Variants in WDR83 observed in about 807,000 individuals in gnomAD.
The protein encoded by WDR83 is WD repeat domain 83.
A neutral mutation model predicts 37.7 loss-of-function variants in WDR83; 37 were observed. The observed-to-expected ratio is 0.98, with a 90% CI of 0.76 to 1.29. The LOEUF (loss-of-function observed/expected upper bound fraction) is 1.29. Ranked by LOEUF, WDR83 falls within the 50% of genes most tolerant of loss-of-function variation. The pLI is 0.00. For synonymous variants in WDR83, 174 were observed against 181.1 expected, an observed-to-expected ratio of 0.96 and a Z score of 0.31; for missense variants, 445 against 414.4, an observed-to-expected ratio of 1.07 and a Z score of -0.64.
chr19:12,671,103 A>T (rs1037385839), intron 7 of WDR83: 2 of 338,026 alleles, frequency 5.9e-6, no homozygotes, highest in Non-Finnish European at 1.1e-5. Context: ...CAAGGTGGGC[A>T]GATCACTTGA....
Position 12,666,999 on chromosome 19 carries a change from G to A in WDR83, c.-157+7G>A. ...GGAATGCCTCTTAATGCCGGTAGGA[G>A]CAGAAGTGCTTTTCCTAAGGGGGCC... On this transcript the variant is annotated splice_region_variant and intron_variant, in intron 1 of 10. Coordinates refer to ENST00000418543, the MANE Select transcript of WDR83 (RefSeq NM_001099737.3). 2.0e-6 allele frequency: 1 copy of A among 505,336 alleles called. No homozygotes were observed. The highest frequency in any genetic ancestry group is 3.5e-6 in the Non-Finnish European group (1 of 283,220). The allele number at this position is 505,336 out of a possible 1,614,324, so 31.3% of individuals were successfully genotyped here. A position where few individuals can be genotyped will look rare whatever the true frequency, so the allele number is the denominator to read the frequency against.
intron 7 of WDR83, 40 bp downstream of exon 7, chr19:12,670,861 G>A (rs762792353): frequency 1.2e-5 from 19 of 1,593,926 alleles, no homozygotes; most frequent in East Asian, 2.3e-5. Flanking sequence ...CAGGTGCTAC[G>A]GGGAATCATA....
rs1379052231 is a variant in WDR83 at position 12,673,105 on chromosome 19, G to A, written c.672G>A (p.Glu224=). 3 of 1,612,842 alleles carry A rather than the reference G, an allele frequency of 1.9e-6. No homozygotes were observed. The South Asian group carries it at 3.3e-5, about 18-fold the overall frequency. The change falls in exon 9 of 11, where the codon GAG becomes GAA. Residue 224 remains glutamate, a synonymous_variant. Transcript: ENST00000418543. ...GGCTCCTGGACAAAGACACAGGGGAGCTGCTGGGCGAGTGAGTCCTTGTGG... is the reference window on the plus strand; with the variant it reads ...GGCTCCTGGACAAAGACACAGGGGAACTGCTGGGCGAGTGAGTCCTTGTGG... ...TLRLLDKDTG[E]LLGEYKGHKN...
In WDR83 at chr19:12,673,069, C is replaced by A. The variant is rs745820390; in HGVS notation, c.636C>A (p.Asp212Glu). The A allele has an allele frequency of 6.2e-7, 1 of 1,613,686 alleles. No homozygotes were observed. The highest frequency in any genetic ancestry group is 8.5e-7 in the Non-Finnish European group (1 of 1,179,656). ...AGTGCACCCTGGTGTCCAGCCTGGA[C>A]TCCACATTGCGGCTCCTGGACAAAG... ...DGQCTLVSSL[D>E]STLRLLDKDT... The change falls in exon 9 of 11, where the codon GAC (aspartate) becomes GAA (glutamate). Residue 212 changes from aspartate to glutamate, a missense_variant. Transcript: ENST00000418543.
chr19:12,671,276 C>T (rs2861396), intron 7 of WDR83: 35,667 of 160,746 alleles, frequency 0.22, 4,982 homozygotes, highest in Non-Finnish European at 0.29. Flanking sequence ...TGCAGTGAGC[C>T]GAGATTGTGC....
Position 12,672,747 on chromosome 19 carries a change from T to C in WDR83, c.507-100T>C, listed in dbSNP as rs1599371056. 2.0e-5 allele frequency: 25 copies of C among 1,220,590 alleles called. No homozygotes were observed. The East Asian group carries it at 6.1e-4, about 30-fold the overall frequency. The allele number at this position is 1,220,590 out of a possible 1,614,324, so 75.6% of individuals were successfully genotyped here. A position where few individuals can be genotyped will look rare whatever the true frequency, so the allele number is the denominator to read the frequency against. ...CCAGAGCTTCAGAATTCCACTCCTG[T>C]GCACTGGAAGAGCAGGCCCACTGGG... On this transcript the variant is annotated intron_variant, in intron 7 of 10. Transcript: ENST00000418543.
intron 2 of WDR83, 68 bp from the exon 3 acceptor site, chr19:12,669,687 G>C: frequency 8.0e-7 from 1 of 1,249,192 alleles, no homozygotes; most frequent in Non-Finnish European, 1.1e-6. Context: ...ACAGGAAGTA[G>C]GTCAGGAAGA....
intron 10 of WDR83, among the ~76,000 whole-genome samples, chr19:12,674,713 T>C (rs114553707): frequency 0.035 from 5,342 of 152,192 alleles, 318 homozygotes; most frequent in African/African-American, 0.12. Context: ...AGGCAAGCTG[T>C]GAGCAAGGCA....
rs1318182445 is a variant in WDR83, at chr19:12,672,921, G to T, written c.574+7G>T. On this transcript the variant is annotated splice_region_variant and intron_variant, in intron 8 of 10. Coordinates refer to ENST00000418543, the MANE Select transcript of WDR83 (RefSeq NM_001099737.3). The stretch of plus-strand genomic sequence containing the variant: ...TTCTCAGACTACGTGGGCAGTGAGT[G>T]TGGCTGGGGATGTGGGACAGGCAGG... 2.5e-6 allele frequency: 4 copies of T among 1,599,202 alleles called. No homozygotes were observed. The highest frequency in any genetic ancestry group is 2.6e-6 in the Non-Finnish European group (3 of 1,173,010).
chr19:12,670,151 A>G (rs768560951), intron 4 of WDR83, 29 bp from the exon 5 acceptor site: 2 of 1,609,654 alleles, frequency 1.2e-6, no homozygotes, highest in Middle Eastern at 1.7e-4. Context: ...TCCGAGGTCG[A>G]TGCTGATCCT....
chr19:12,670,709 A>G lies in WDR83; in HGVS notation c.394A>G (p.Ser132Gly). Residue 132 changes from serine (S) to glycine (G), a missense_variant, in exon 7 of 11, where the codon AGT (serine) becomes GGT (glycine). By Grantham distance (56) the Ser-to-Gly change is moderately conservative. Transcript: ENST00000418543. ...TGGCCTCACAGGCTCTATTGATTCC[A>G]GTATCCGCTGTTGGGATTGCCGCTC... The part of the protein sequence containing the change: ...TVILSGSIDS[S>G]IRCWDCRSRR... 2 of 1,614,162 alleles carry G rather than the reference A, an allele frequency of 1.2e-6. No individual in the cohort carries two copies. Among genetic ancestry groups the G allele is most frequent in the Non-Finnish European group, 1.7e-6 (2 of 1,180,034 alleles).
intron 2 of WDR83, 126 bp from the exon 3 acceptor site, chr19:12,669,629 T>C (rs2024351286): frequency 1.1e-6 from 1 of 937,326 alleles, no homozygotes; most frequent in Non-Finnish European, 1.6e-6. Flanking sequence ...CTTCAATAGT[T>C]CCAACCCGAT....
At chr19:12,667,733 G>A (rs996485325) in intron 1 of WDR83, among the ~76,000 whole-genome samples, 2 of 152,142 alleles carry the variant, frequency 1.3e-5, no homozygotes, top group East Asian at 3.8e-4. Flanking sequence ...TGAGGTGGGA[G>A]GATTGCTTGA....
At chr19:12,669,680 G>C in intron 2 of WDR83, 75 bp from the exon 3 acceptor site, 1 of 1,201,800 alleles carries the variant, frequency 8.3e-7, no homozygotes, top group South Asian at 1.5e-5. Context: ...GTGATAAACA[G>C]GAAGTAGGTC....
Position 12,666,854 on chromosome 19 carries a change from G to C in WDR83, c.-295G>C. The C allele has an allele frequency of 1.4e-6, 1 of 729,082 alleles. No homozygotes were observed. Among genetic ancestry groups the C allele is most frequent in the East Asian group, 2.8e-5 (1 of 36,112 alleles). The allele number at this position is 729,082 out of a possible 1,614,324, so 45.2% of individuals were successfully genotyped here. ...AGAGGCTGTAGCCCTGGGCAATCCC[G>C]GGGGTCGTTACAGGAAGGTAGGAAA... On this transcript the variant is annotated 5_prime_UTR_variant, in exon 1 of 11. Coordinates refer to ENST00000418543, the MANE Select transcript of WDR83 (RefSeq NM_001099737.3).
intron 10 of WDR83, among the ~76,000 whole-genome samples, chr19:12,674,451 G>C (rs754364026): frequency 9.9e-5 from 15 of 152,208 alleles, no homozygotes; most frequent in Non-Finnish European, 1.8e-4. Context: ...GGGAACCGGG[G>C]GGGCCCTGAA....
rs760326412 is a variant in WDR83 at position 12,670,031 on chromosome 19, A to T, written c.158A>T (p.Asn53Ile). ...CGSDKTLKLWNPLRGTLLRTY... is the reference protein window; with the variant it reads ...CGSDKTLKLWIPLRGTLLRTY... Reference sequence around the variant, plus strand: ...AGTGACAAGACGCTGAAGCTGTGGAACCCGCTTCGGGGGACGCTGCTGCGG... The same window carrying T: ...AGTGACAAGACGCTGAAGCTGTGGATCCCGCTTCGGGGGACGCTGCTGCGG... Residue 53 changes from asparagine to isoleucine, a missense_variant, in exon 4 of 11, where the codon AAC becomes ATC. Transcript: ENST00000418543. The T allele has an allele frequency of 2.5e-6, 4 of 1,613,166 alleles. No homozygotes were observed. In the Admixed American group the frequency reaches 6.7e-5, roughly 27 times the overall value.
chr19:12,670,087 G>A lies in WDR83; in HGVS notation c.214G>A (p.Asp72Asn). 6.2e-7 allele frequency: 1 copy of A among 1,610,848 alleles called. No homozygotes were observed. Among genetic ancestry groups the A allele is most frequent in the Non-Finnish European group, 8.5e-7 (1 of 1,177,796 alleles). The change falls in exon 4 of 11, where the codon GAT becomes AAT. Residue 72 changes from aspartate to asparagine, a missense_variant. Transcript: ENST00000418543. ...TYSGHGYEVL[D>N]AAGSFDNSSL... Reference sequence around the variant, plus strand: ...CAGCGGCCACGGCTACGAGGTGCTGGATGCGGCCGGGTGAGCCGGGGACCA... The same window carrying A: ...CAGCGGCCACGGCTACGAGGTGCTGAATGCGGCCGGGTGAGCCGGGGACCA...
rs1201252732 is a variant in WDR83, at chr19:12,669,042, G to A, written c.-37+415G>A. 5.0e-5 allele frequency: 71 copies of A among 1,410,088 alleles called. No individual in the cohort carries two copies. The South Asian group carries it at 8.0e-4, about 16-fold the overall frequency. The allele number at this position is 1,410,088 out of a possible 1,614,324, so 87.3% of individuals were successfully genotyped here. A position where few individuals can be genotyped will look rare whatever the true frequency, so the allele number is the denominator to read the frequency against. On this transcript the variant is annotated intron_variant, in intron 2 of 10. Coordinates refer to ENST00000418543, the MANE Select transcript of WDR83 (RefSeq NM_001099737.3). The stretch of plus-strand genomic sequence containing the variant: ...TCTCAGGTCCCGCCCCATCAGCAAT[G>A]ACAAGACACCCCGCTTCATTCCAAA...
Sources: allele counts gnomAD v4.1 joint callset (sites outside exome capture counted in the v4.1 genomes callset), GRCh38; gene constraint gnomAD v4.1.1; transcripts MANE v1.5; gene names NCBI Gene and HGNC (gene_info 2026-07-23, HGNC 2026-07-21).